Variants in TMEM117 observed in about 807,000 individuals in gnomAD.
TMEM117 encodes the protein transmembrane protein 117.
TMEM117 carries 27 observed loss-of-function variants against 52.4 expected under a neutral mutation model. That is an observed-to-expected ratio of 0.51 (90% CI 0.38 to 0.71). The LOEUF is 0.71. TMEM117 is among the 30% of genes least tolerant of loss of function. The probability of loss-of-function intolerance (pLI) is 0.00; values close to 1 mark genes in which losing one functional copy is unlikely to be tolerated. For missense variants in TMEM117, 556 were observed against 630.5 expected, an observed-to-expected ratio of 0.88 and a Z score of 1.26; for synonymous variants, 215 against 206.3, an observed-to-expected ratio of 1.04 and a Z score of -0.36.
At chr12:43,983,556 G>A (rs918111644) in intron 3 of TMEM117, among the ~76,000 whole-genome samples, 64 of 61,470 alleles carry the variant, frequency 1.0e-3, no homozygotes, top group African/African-American at 3.2e-3. Context: ...CCGTGTGTGT[G>A]TGTGTGTGTG....
chr12:44,075,483 A>G (rs971305219), intron 3 of TMEM117, among the ~76,000 whole-genome samples: 7 of 152,108 alleles, frequency 4.6e-5, no homozygotes, highest in African/African-American at 1.7e-4. Context: ...GGAGATCCAT[A>G]TTTTCCTTTT....
intron 5 of TMEM117, among the ~76,000 whole-genome samples, chr12:44,277,856 C>T (rs1306679125): frequency 3.4e-5 from 5 of 147,924 alleles, no homozygotes; most frequent in East Asian, 4.0e-4. Context: ...CTCCACCTTC[C>T]GGGTTCAAGC....
intron 2 of TMEM117, among the ~76,000 whole-genome samples, chr12:43,925,714 T>C (rs7974214): frequency 0.68 from 103,233 of 152,090 alleles, 39,115 homozygotes; most frequent in Non-Finnish European, 0.82. Flanking sequence ...AATGTTACCT[T>C]TTCTACCTAT....
chr12:44,134,506 A>G (rs1438464816), intron 3 of TMEM117, among the ~76,000 whole-genome samples: 2 of 152,178 alleles, frequency 1.3e-5, no homozygotes, highest in Non-Finnish European at 1.5e-5. Context: ...AAATTTCAGG[A>G]CACCTGTGAA....
At chr12:44,135,167 T>C (rs1035035367) in intron 3 of TMEM117, among the ~76,000 whole-genome samples, 6 of 152,204 alleles carry the variant, frequency 3.9e-5, no homozygotes, top group African/African-American at 1.4e-4. Flanking sequence ...TCTCTCTTTT[T>C]GTATTGGTTC....
intron 6 of TMEM117, among the ~76,000 whole-genome samples, chr12:44,306,070 CA>C (rs746082033): frequency 1.3e-5 from 2 of 152,070 alleles, no homozygotes; most frequent in African/African-American, 4.8e-5. Flanking sequence ...GAGAGCTAAA[CA>C]TTGAGTACAG....
intron 6 of TMEM117, among the ~76,000 whole-genome samples, chr12:44,322,392 C>G (rs1439208531): frequency 6.6e-6 from 1 of 151,972 alleles, no homozygotes; most frequent in Admixed American, 6.6e-5. Context: ...GTTTATACAC[C>G]CTCTCTGTTT....
intron 3 of TMEM117, among the ~76,000 whole-genome samples, chr12:44,093,598 T>A (rs1468428460): frequency 2.0e-5 from 3 of 152,108 alleles, no homozygotes; most frequent in Admixed American, 6.6e-5. Flanking sequence ...AATCCAACCA[T>A]GGGAAGTTTC....
the TMEM117 span, among the ~76,000 whole-genome samples, chr12:43,812,178 A>G: frequency 1.3e-5 from 2 of 152,244 alleles, no homozygotes; most frequent in Non-Finnish European, 1.5e-5. Context: ...TTTATGATGT[A>G]ATCTTACAAT....
chr12:44,042,623 A>G (rs1038427022), intron 3 of TMEM117, among the ~76,000 whole-genome samples: 8 of 152,250 alleles, frequency 5.3e-5, no homozygotes, highest in African/African-American at 1.4e-4. Context: ...TCTTTCTCCC[A>G]TGCTGGATGC....
At chr12:44,367,633 T>A (rs1171621562) in intron 6 of TMEM117, among the ~76,000 whole-genome samples, 2 of 152,058 alleles carry the variant, frequency 1.3e-5, no homozygotes, top group Non-Finnish European at 2.9e-5. Flanking sequence ...GACTGGTGAG[T>A]CCACATCTGT....
At chr12:43,920,549 C>CTTT (rs60359835) in intron 2 of TMEM117, among the ~76,000 whole-genome samples, 40 of 86,036 alleles carry the variant, frequency 4.6e-4, no homozygotes, top group African/African-American at 1.3e-3. Flanking sequence ...CCTAGAGGGC[C>CTTT]TTTTTTTTTT....
At chr12:44,313,264 C>A (rs1447573300) in intron 6 of TMEM117, among the ~76,000 whole-genome samples, 1 of 151,762 alleles carries the variant, frequency 6.6e-6, no homozygotes, top group South Asian at 2.1e-4. Context: ...ATCTTTAATC[C>A]CATCTTGAGT....
intron 4 of TMEM117, among the ~76,000 whole-genome samples, chr12:44,195,022 T>A (rs1216529031): frequency 2.0e-5 from 3 of 152,248 alleles, no homozygotes; most frequent in African/African-American, 7.2e-5. Context: ...TACTGCTGCA[T>A]AACAAGTTAC....
intron 3 of TMEM117, among the ~76,000 whole-genome samples, chr12:44,018,847 G>A (rs1296523685): frequency 1.3e-5 from 2 of 151,682 alleles, no homozygotes; most frequent in Non-Finnish European, 2.9e-5. Flanking sequence ...AGCCTCCCGA[G>A]TAGCTGGAAT....
intron 3 of TMEM117, among the ~76,000 whole-genome samples, chr12:44,019,694 G>A (rs1465830986): frequency 6.6e-6 from 1 of 152,160 alleles, no homozygotes; most frequent in South Asian, 2.1e-4. Context: ...GTGTAAATAT[G>A]TGTAGATTAT....
In TMEM117 at chr12:44,282,166, G is replaced by T. The variant is rs182962281; in HGVS notation, c.609-17414G>T. Among the ~76,000 whole-genome samples the T allele has an allele frequency of 4.5e-3, 684 of 152,156 alleles. 6 individuals carry two copies. The highest frequency in any genetic ancestry group is 0.016 in the African/African-American group (661 of 41,492). On this transcript the variant is annotated intron_variant, in intron 5 of 7. Transcript: ENST00000266534. ...TTTCGCCTCCCACCATGATTCTGAG[G>T]CCTCCCTAGCCACGTGGAACTGTAA...
chr12:44,258,392 T>C (rs1464140942), intron 5 of TMEM117, among the ~76,000 whole-genome samples: 2 of 152,170 alleles, frequency 1.3e-5, no homozygotes, highest in African/African-American at 2.4e-5. Context: ...TTGTAGCTCA[T>C]ATGGCTGATT....
intron 3 of TMEM117, among the ~76,000 whole-genome samples, chr12:43,978,509 C>T (rs1424543036): frequency 1.3e-5 from 2 of 152,120 alleles, no homozygotes; most frequent in African/African-American, 2.4e-5. Context: ...ACCAAACAGC[C>T]ACTTTTCCAT....
Sources: gnomAD v4.1 joint callset for allele counts (sites outside exome capture counted in the v4.1 genomes callset) on GRCh38, gnomAD v4.1.1 for gene constraint, MANE v1.5 for transcripts, NCBI Gene and HGNC (gene_info 2026-07-23, HGNC 2026-07-21) for gene names.